Variants in PLAGL1 observed in about 807,000 individuals in gnomAD.
PLAGL1 encodes the protein PLAG1 like zinc finger 1, also known as zinc finger protein PLAGL1.
A neutral mutation model predicts 4.6 loss-of-function variants in PLAGL1; 1 was observed. That is an observed-to-expected ratio of 0.22 (90% confidence interval 0.08 to 1.03). The LOEUF is 1.03. PLAGL1 is among the 50% of genes least tolerant of loss of function. PLAGL1 has a pLI of 0.58. For missense variants in PLAGL1, 464 were observed against 570.4 expected (o/e 0.81, Z 1.90); for synonymous variants, 240 against 237.8 (o/e 1.01, Z -0.08).
At chr6:143,969,034 A>C (rs901409307) in intron 2 of PLAGL1, 56 bp from the exon 3 acceptor site, 2 of 152,102 alleles carry the variant, frequency 1.3e-5, no homozygotes, top group African/African-American at 4.8e-5. Context: ...AAGAAAAAAC[A>C]CATTGGTACT....
intron 1 of PLAGL1, among the ~76,000 whole-genome samples, chr6:144,032,534 A>C (rs1165559247): frequency 3.3e-5 from 5 of 151,760 alleles, no homozygotes; most frequent in Admixed American, 3.3e-4. Flanking sequence ...TCTACCTCCT[A>C]GTTCAGTTTT....
chr6:143,988,639 C>T (rs1789730088), intron 1 of PLAGL1, among the ~76,000 whole-genome samples: 1 of 152,144 alleles, frequency 6.6e-6, no homozygotes, highest in Non-Finnish European at 1.5e-5. Flanking sequence ...TAACAAAGTG[C>T]CATAGACTGG....
rs1391505380 is a variant in PLAGL1, at chr6:143,940,574, A to G, written c.*850T>C. 2 of 152,422 alleles carry G rather than the reference A, an allele frequency of 1.3e-5. No individual in the cohort carries two copies. Among genetic ancestry groups the G allele is most frequent in the Non-Finnish European group, 2.9e-5 (2 of 68,032 alleles). The allele number at this position is 152,422 out of a possible 1,614,324, so 9.4% of individuals were successfully genotyped here. ...CAGCTTGAGTAGTAGTTTAAGCTAG[A>G]CAGAGCAAAGAAAATTCTTGTTTAA... On this transcript the variant is annotated 3_prime_UTR_variant, in exon 8 of 8. Coordinates refer to ENST00000674357, the MANE Select transcript of PLAGL1 (RefSeq NM_001317162.2).
chr6:144,003,785 G>T (rs1033579872), intron 1 of PLAGL1, among the ~76,000 whole-genome samples: 1 of 152,080 alleles, frequency 6.6e-6, no homozygotes, highest in East Asian at 1.9e-4. Flanking sequence ...ATTTCAATAG[G>T]CAGGTGATAA....
At chr6:143,988,761 TC>T (rs1474340614) in intron 1 of PLAGL1, among the ~76,000 whole-genome samples, 1 of 152,198 alleles carries the variant, frequency 6.6e-6, no homozygotes, top group Non-Finnish European at 1.5e-5. Context: ...CTGCTGGCTC[TC>T]CTATCCTCAC....
chr6:144,052,826 T>C (rs1036910228), intron 1 of PLAGL1, among the ~76,000 whole-genome samples: 8 of 152,192 alleles, frequency 5.3e-5, no homozygotes, highest in South Asian at 4.1e-4. Context: ...AGAAATTCTA[T>C]CAACAATGTG....
In PLAGL1 at chr6:144,016,062, A is replaced by T. The variant is rs924370527; in HGVS notation, c.-150-47084T>A. Among the ~76,000 whole-genome samples the T allele has an allele frequency of 2.0e-4, 30 of 152,200 alleles. No individual in the cohort carries two copies. The highest frequency in any genetic ancestry group is 1.7e-3 in the Admixed American group (26 of 15,276). ...GGAGTCAAAGAAATCATATTGTATT[A>T]GTCAGGGTTCTCTAGAGGGACAGAA... is the stretch of plus-strand genomic sequence containing the variant. On this transcript the variant is annotated intron_variant, in intron 1 of 3. Coordinates refer to the PLAGL1 transcript ENST00000437412. The surrounding 1 kb of genome is among the most constrained non-coding windows in gnomAD (Gnocchi z 4.2).
chr6:144,028,786 G>C (rs374763372), intron 1 of PLAGL1, among the ~76,000 whole-genome samples: 6 of 152,152 alleles, frequency 3.9e-5, no homozygotes, highest in African/African-American at 1.4e-4. Context: ...TGTTATCTAC[G>C]TGCTGGGACT....
chr6:143,996,787 G>C (rs950823434), intron 1 of PLAGL1, among the ~76,000 whole-genome samples: 6 of 151,854 alleles, frequency 4.0e-5, no homozygotes, highest in Non-Finnish European at 8.8e-5. Flanking sequence ...ATTCAATGGA[G>C]GGAAAGAAAA....
At chr6:143,977,411 T>C (rs1348635408) in intron 2 of PLAGL1, among the ~76,000 whole-genome samples, 1 of 151,720 alleles carries the variant, frequency 6.6e-6, no homozygotes, top group South Asian at 2.1e-4. Context: ...TTTTCTTCCA[T>C]GCCTTTTCAT....
At chr6:144,007,867 C>T (rs1794619580) in intron 1 of PLAGL1, 1 of 152,236 alleles carries the variant, frequency 6.6e-6, no homozygotes, top group African/African-American at 2.4e-5. Context: ...CAGCGGCGTC[C>T]AGGGGGTCCG....
chr6:143,988,930 G>A (rs1789794640), intron 1 of PLAGL1, among the ~76,000 whole-genome samples: 1 of 152,096 alleles, frequency 6.6e-6, no homozygotes, highest in Admixed American at 6.6e-5. Context: ...TGGCTTTTGG[G>A]GGGACACACA....
In PLAGL1 at chr6:143,979,666, C is replaced by T. The variant is rs1405328620; in HGVS notation, c.-544+5469G>A. 1.3e-5 allele frequency among the ~76,000 whole-genome samples: 2 copies of T among 151,806 alleles called. No individual in the cohort carries two copies. The highest frequency in any genetic ancestry group is 2.9e-5 in the Non-Finnish European group (2 of 67,886). ...AACTTTTGCTTTTATATGTTATATA[C>T]CCCATTTGCTATTTTTGTTTAAACC... On this transcript the variant is annotated intron_variant, in intron 2 of 7. Coordinates refer to ENST00000674357, the MANE Select transcript of PLAGL1 (RefSeq NM_001317162.2). This position sits in a 1 kb window ranked among gnomAD's most constrained non-coding sequence, Gnocchi z 4.6.
At chr6:144,007,926 G>T (rs1794642369) in intron 1 of PLAGL1, 164 bp downstream of exon 1, 1 of 152,044 alleles carries the variant, frequency 6.6e-6, no homozygotes, top group Non-Finnish European at 1.5e-5. Context: ...GATCTGCGGG[G>T]TCCCGCACCC....
chr6:144,047,390 A>C (rs752851767), intron 1 of PLAGL1, among the ~76,000 whole-genome samples: 18 of 152,176 alleles, frequency 1.2e-4, no homozygotes, highest in Non-Finnish European at 1.9e-4. Context: ...CAACATTATA[A>C]GGTAAGCTCT....
intron 1 of PLAGL1, among the ~76,000 whole-genome samples, chr6:144,058,099 T>G (rs995852626): frequency 1.3e-5 from 2 of 152,226 alleles, no homozygotes; most frequent in Non-Finnish European, 2.9e-5. Flanking sequence ...AGAGGTTTAA[T>G]TGGCTTATGT....
In PLAGL1 at chr6:143,948,723, T is replaced by C. The variant is rs980780005; in HGVS notation, c.-324-263A>G. On this transcript the variant is annotated intron_variant, in intron 6 of 7. Coordinates refer to ENST00000674357, the MANE Select transcript of PLAGL1 (RefSeq NM_001317162.2). This position sits in a 1 kb window ranked among gnomAD's most constrained non-coding sequence, Gnocchi z 6.0. The stretch of plus-strand genomic sequence containing the variant: ...AGTTCTTTCCACGGATCCAGTATTA[T>C]CTATTTCAGGTCAGTGTGAAGCTCC... 6.6e-6 allele frequency among the ~76,000 whole-genome samples: 1 copy of C among 151,718 alleles called. No homozygotes were observed. The highest frequency in any genetic ancestry group is 2.4e-5 in the African/African-American group (1 of 41,116).
upstream of PLAGL1, among the ~76,000 whole-genome samples, chr6:144,012,665 T>A (rs1795272401): frequency 6.6e-6 from 1 of 152,212 alleles, no homozygotes; most frequent in South Asian, 2.1e-4. This position sits in a 1 kb window ranked among gnomAD's most constrained non-coding sequence, Gnocchi z 4.8. Context: ...TTAGGTTATT[T>A]CCACAGTGGT....
intron 1 of PLAGL1, among the ~76,000 whole-genome samples, chr6:144,051,704 G>T (rs1357332956): frequency 1.3e-5 from 2 of 152,198 alleles, no homozygotes; most frequent in African/African-American, 4.8e-5. Flanking sequence ...CACAATCATG[G>T]TAGAAAACGA....
Sources: allele counts gnomAD v4.1 joint callset (sites outside exome capture counted in the v4.1 genomes callset), GRCh38; gene constraint gnomAD v4.1.1; non-coding constraint Gnocchi (gnomAD v3.1); transcripts MANE v1.5; gene names NCBI Gene and HGNC (gene_info 2026-07-23, HGNC 2026-07-21).